THSD7B: variants seen among roughly 807,000 people sequenced by gnomAD.
The protein encoded by THSD7B is thrombospondin type 1 domain containing 7B.
In THSD7B, 138 loss-of-function variants were observed where a neutral mutation model predicts 213.6. The ratio of observed to expected loss-of-function variants is 0.65; its 90% CI spans 0.56 to 0.74. THSD7B has a LOEUF of 0.74. THSD7B is among the 30% of genes least tolerant of loss of function. THSD7B has a pLI of 0.00. For missense variants in THSD7B, 1,931 were observed against 1,991.5 expected (o/e 0.97, Z 0.58); for synonymous variants, 742 against 687.0 (o/e 1.08, Z -1.25).
chr2:136,771,665 CCT>C (rs1681508262), intron 1 of THSD7B, among the ~76,000 whole-genome samples: 1 of 152,208 alleles, frequency 6.6e-6, no homozygotes, highest in African/African-American at 2.4e-5. Context: ...TTCACAAAGC[CCT>C]CTCTCAGTCT....
chr2:137,078,748 TC>T (rs1308758005), intron 3 of THSD7B, among the ~76,000 whole-genome samples: 2 of 152,168 alleles, frequency 1.3e-5, no homozygotes, highest in South Asian at 2.1e-4. Context: ...CTATTAATTT[TC>T]CCCTGATAAC....
intron 2 of THSD7B, among the ~76,000 whole-genome samples, chr2:136,907,578 A>G (rs1375421042): frequency 6.6e-6 from 1 of 152,216 alleles, no homozygotes; most frequent in African/African-American, 2.4e-5. Context: ...GAAGTCATTT[A>G]TTTCATGCCT....
At chr2:136,845,010 G>A (rs1030337096) in intron 1 of THSD7B, among the ~76,000 whole-genome samples, 7 of 152,178 alleles carry the variant, frequency 4.6e-5, no homozygotes, top group East Asian at 1.9e-4. Context: ...TGCTCCAAAC[G>A]CCATTTGCAT....
chr2:137,290,134 T>G (rs550490078), intron 12 of THSD7B, among the ~76,000 whole-genome samples: 8 of 148,504 alleles, frequency 5.4e-5, no homozygotes, highest in Non-Finnish European at 1.0e-4. Context: ...TTTTTTTAGA[T>G]GGAGTCTCAC....
intron 1 of THSD7B, among the ~76,000 whole-genome samples, chr2:136,843,388 C>T (rs1482238571): frequency 2.0e-5 from 3 of 152,156 alleles, no homozygotes; most frequent in Non-Finnish European, 2.9e-5. Context: ...ATAATGGAAT[C>T]GTATTCGTGA....
intron 20 of THSD7B, among the ~76,000 whole-genome samples, chr2:137,621,022 G>GT (rs1682510267): frequency 6.6e-6 from 1 of 152,196 alleles, no homozygotes. Context: ...GGCCTCAGTG[G>GT]TTTTTGGAAA....
chr2:137,018,753 T>C (rs1284740278), intron 2 of THSD7B, among the ~76,000 whole-genome samples: 2 of 152,196 alleles, frequency 1.3e-5, no homozygotes, highest in African/African-American at 4.8e-5. Context: ...ATCTAATCAT[T>C]AATATTTAAA....
Position 137,606,720 on chromosome 2 carries a change from G to C in THSD7B, c.3424-9455G>C, listed in dbSNP as rs375596830. ...AGCAATTTATCGGCTACTTTGGCTC[G>C]ACTTTAAATTTGGTTCTTGAATGGC... On this transcript the variant is annotated intron_variant, in intron 17 of 27. Coordinates refer to ENST00000409968, the MANE Select transcript of THSD7B (RefSeq NM_001316349.2). Among the ~76,000 whole-genome samples, 47 of 152,132 alleles carry C rather than the reference G, an allele frequency of 3.1e-4. 1 individual carries two copies. In the East Asian group the frequency reaches 7.7e-3, roughly 25 times the overall value.
intron 4 of THSD7B, among the ~76,000 whole-genome samples, chr2:137,096,037 C>G (rs1472781449): frequency 3.3e-5 from 5 of 152,006 alleles, no homozygotes; most frequent in African/African-American, 1.2e-4. Context: ...TTGGTTATAC[C>G]TATCCAAAGA....
At chr2:137,363,100 A>C (rs1464983217) in intron 12 of THSD7B, among the ~76,000 whole-genome samples, 3 of 152,058 alleles carry the variant, frequency 2.0e-5, no homozygotes, top group Non-Finnish European at 4.4e-5. Context: ...AACTGCACAA[A>C]TATATGGAAA....
chr2:137,331,733 C>T (rs932116327), intron 12 of THSD7B, among the ~76,000 whole-genome samples: 5 of 152,184 alleles, frequency 3.3e-5, no homozygotes, highest in African/African-American at 1.2e-4. Flanking sequence ...TGGCGGGCTG[C>T]AGGTCCCAAG....
chr2:136,942,436 T>G (rs991587895), intron 2 of THSD7B, among the ~76,000 whole-genome samples: 1 of 152,218 alleles, frequency 6.6e-6, no homozygotes, highest in African/African-American at 2.4e-5. Flanking sequence ...TAAATTATCT[T>G]GGGCAGTAAG....
At chr2:137,188,356 G>T (rs1255117191) in intron 7 of THSD7B, among the ~76,000 whole-genome samples, 1 of 152,072 alleles carries the variant, frequency 6.6e-6, no homozygotes, top group Non-Finnish European at 1.5e-5. Context: ...GAATTGGAGT[G>T]CTGAAGGTAG....
intron 10 of THSD7B, among the ~76,000 whole-genome samples, chr2:137,261,167 C>G (rs1251041701): frequency 6.6e-6 from 1 of 151,938 alleles, no homozygotes; most frequent in Non-Finnish European, 1.5e-5. Context: ...TGTTCAAAGA[C>G]AGAGAGTCAA....
chr2:137,474,877 A>C (rs1480004383), intron 15 of THSD7B, among the ~76,000 whole-genome samples: 1 of 152,210 alleles, frequency 6.6e-6, no homozygotes, highest in Non-Finnish European at 1.5e-5. Flanking sequence ...ATCCTTGATC[A>C]ATGATAGCCA....
chr2:137,601,633 T>G (rs953934578), intron 17 of THSD7B, among the ~76,000 whole-genome samples: 2 of 152,234 alleles, frequency 1.3e-5, no homozygotes, highest in East Asian at 1.9e-4. Context: ...AAGTAACATA[T>G]GACTGTATGT....
At chr2:137,495,538 G>A (rs945785904) in intron 15 of THSD7B, among the ~76,000 whole-genome samples, 54 of 152,082 alleles carry the variant, frequency 3.6e-4, no homozygotes, top group South Asian at 8.3e-4. Flanking sequence ...AAATTTCATC[G>A]CCCCAAGGAT....
At chr2:137,374,560 T>A (rs992156734) in intron 12 of THSD7B, among the ~76,000 whole-genome samples, 1 of 152,312 alleles carries the variant, frequency 6.6e-6, no homozygotes, top group East Asian at 1.9e-4. Flanking sequence ...TTCTAAGTGA[T>A]GTATGAATTT....
intron 12 of THSD7B, among the ~76,000 whole-genome samples, chr2:137,347,064 C>T (rs1684891303): frequency 6.6e-6 from 1 of 151,674 alleles, no homozygotes; most frequent in African/African-American, 2.4e-5. Context: ...ATTCCAATAT[C>T]CCCACATCCT....
Sources: allele counts gnomAD v4.1 joint callset (sites outside exome capture counted in the v4.1 genomes callset), GRCh38; gene constraint gnomAD v4.1.1; transcripts MANE v1.5; gene names NCBI Gene and HGNC (gene_info 2026-07-23, HGNC 2026-07-21).